OLFM2: variants seen among roughly 807,000 people sequenced by gnomAD.
The protein encoded by OLFM2 is noelin-2.
In OLFM2, 20 loss-of-function variants were observed where a neutral mutation model predicts 43.9. That is an observed-to-expected ratio of 0.46 (90% CI 0.32 to 0.66). OLFM2 has a LOEUF of 0.66. OLFM2 is among the 30% of genes least tolerant of loss of function. OLFM2 has a pLI of 0.04. For missense variants in OLFM2, 416 were observed against 643.6 expected (o/e 0.65, Z 3.83); for synonymous variants, 268 against 278.6 (o/e 0.96, Z 0.38).
chr19:9,920,259 A>ATGTT (rs2086411632), intron 1 of OLFM2, among the ~76,000 whole-genome samples: 5 of 152,128 alleles, frequency 3.3e-5, no homozygotes, highest in Non-Finnish European at 7.3e-5. Flanking sequence ...AGCCTGGGCA[A>ATGTT]CAGAGCAAGA....
intron 1 of OLFM2, among the ~76,000 whole-genome samples, chr19:9,906,300 A>T (rs1599492886): frequency 2.0e-5 from 3 of 147,530 alleles, no homozygotes; most frequent in African/African-American, 8.1e-5. Flanking sequence ...GCGGGCACAC[A>T]GGGTGGGGGA....
Position 9,854,913 on chromosome 19 carries a change from A to C in OLFM2, c.688-50T>G, listed in dbSNP as rs1229521147. On this transcript the variant is annotated intron_variant, in intron 5 of 5. Coordinates refer to ENST00000264833, the MANE Select transcript of OLFM2 (RefSeq NM_058164.4). This position sits in a 1 kb window ranked among gnomAD's most constrained non-coding sequence, Gnocchi z 9.5. ...GGGGGGAACCACCACCAACGACCCA[A>C]GGGTCCCAGCACCAGCTACAGCCAT... The C allele has an allele frequency of 7.0e-7, 1 of 1,419,190 alleles. No individual in the cohort carries two copies. The highest frequency in any genetic ancestry group is 2.4e-5 in the East Asian group (1 of 40,866). The allele number at this position is 1,419,190 out of a possible 1,614,324, so 87.9% of individuals were successfully genotyped here.
chr19:9,925,589 C>T (rs1407596384), intron 1 of OLFM2, among the ~76,000 whole-genome samples: 1 of 151,510 alleles, frequency 6.6e-6, no homozygotes, highest in African/African-American at 2.4e-5. Context: ...GCTGGGACCA[C>T]AGGCACAGCT....
At chr19:9,895,916 CG>C (rs1428880971) in intron 1 of OLFM2, among the ~76,000 whole-genome samples, 1 of 151,974 alleles carries the variant, frequency 6.6e-6, no homozygotes, top group Non-Finnish European at 1.5e-5. Context: ...AACTTTACAA[CG>C]CACGTGTGAT....
intron 1 of OLFM2, among the ~76,000 whole-genome samples, chr19:9,866,697 A>C (rs1449839472): frequency 6.6e-6 from 1 of 151,278 alleles, no homozygotes; most frequent in East Asian, 1.9e-4. Flanking sequence ...ATCTCACTAC[A>C]TTTCCTAGGC....
intron 5 of OLFM2, among the ~76,000 whole-genome samples, chr19:9,855,770 A>G (rs916407007): frequency 2.6e-5 from 4 of 151,378 alleles, no homozygotes; most frequent in Admixed American, 1.3e-4. Flanking sequence ...TCCTGAGCTC[A>G]AGTGATCTGC....
intron 1 of OLFM2, among the ~76,000 whole-genome samples, chr19:9,909,325 C>T (rs7251521): frequency 6.6e-6 from 1 of 151,484 alleles, no homozygotes; most frequent in East Asian, 1.9e-4. Context: ...AAATGATGTC[C>T]GTGGCTGGCA....
intron 1 of OLFM2, among the ~76,000 whole-genome samples, chr19:9,905,724 C>T (rs1184240035): frequency 6.6e-6 from 1 of 152,086 alleles, no homozygotes; most frequent in Non-Finnish European, 1.5e-5. Context: ...GCTGTGGATC[C>T]TTGTCCTGTC....
chr19:9,900,974 G>GGAAA (rs2046728341), intron 1 of OLFM2, among the ~76,000 whole-genome samples: 2 of 47,908 alleles, frequency 4.2e-5, no homozygotes, highest in Non-Finnish European at 7.2e-5. Context: ...AAGGAAGGAA[G>GGAAA]GAAGGAAGGA....
chr19:9,929,531 G>A (rs1433395908), intron 1 of OLFM2, among the ~76,000 whole-genome samples: 5 of 152,098 alleles, frequency 3.3e-5, no homozygotes, highest in Non-Finnish European at 5.9e-5. Context: ...GGGAGGTGGA[G>A]GTTGCAGTGA....
Position 9,854,558 on chromosome 19 carries a change from C to T in OLFM2, c.993G>A (p.Gly331=), listed in dbSNP as rs780133531. Residue 331 remains glycine (G), a synonymous_variant, in exon 6 of 6, where the codon GGG becomes GGA. Coordinates refer to ENST00000264833, the MANE Select transcript of OLFM2 (RefSeq NM_058164.4). This position sits in a 1 kb window ranked among gnomAD's most constrained non-coding sequence, Gnocchi z 9.5. Reference sequence around the variant, plus strand: ...GGTTGGTGGTGTACACAGCCCAGAGCCCGCTCTCGTCCACCATGAAGTCCA... The same window carrying T: ...GGTTGGTGGTGTACACAGCCCAGAGTCCGCTCTCGTCCACCATGAAGTCCA... ...SDMDFMVDES[G]LWAVYTTNQN... is the part of the protein sequence containing the mutation. 4.3e-6 allele frequency: 7 copies of T among 1,613,876 alleles called. No homozygotes were observed. The East Asian group carries it at 1.6e-4, about 36-fold the overall frequency.
chr19:9,923,765 G>A (rs757093182), intron 1 of OLFM2, among the ~76,000 whole-genome samples: 3 of 151,960 alleles, frequency 2.0e-5, no homozygotes, highest in Non-Finnish European at 4.4e-5. Context: ...AAGTAGCTGG[G>A]ACTTCAGGCA....
chr19:9,909,125 C>G (rs1011745696), intron 1 of OLFM2, among the ~76,000 whole-genome samples: 2 of 152,150 alleles, frequency 1.3e-5, no homozygotes, highest in Non-Finnish European at 2.9e-5. Context: ...TAGGCATGAG[C>G]CACAGTGCCA....
chr19:9,874,982 T>A (rs1224340153), intron 1 of OLFM2, among the ~76,000 whole-genome samples: 1 of 152,178 alleles, frequency 6.6e-6, no homozygotes, highest in African/African-American at 2.4e-5. Flanking sequence ...TGTAACCCAA[T>A]GCAGTAGCTG....
intron 1 of OLFM2, among the ~76,000 whole-genome samples, chr19:9,915,891 C>T (rs1338170991): frequency 1.3e-5 from 2 of 152,136 alleles, no homozygotes; most frequent in Non-Finnish European, 2.9e-5. Flanking sequence ...GAGAGTTCCA[C>T]GCAACAGGAA....
chr19:9,918,125 C>G (rs2086397084), intron 1 of OLFM2, among the ~76,000 whole-genome samples: 1 of 151,972 alleles, frequency 6.6e-6, no homozygotes, highest in Admixed American at 6.6e-5. Flanking sequence ...GAGATCCACC[C>G]ACCTCGGCCT....
At chr19:9,907,495 A>G (rs542881625) in intron 1 of OLFM2, among the ~76,000 whole-genome samples, 55 of 152,008 alleles carry the variant, frequency 3.6e-4, no homozygotes, top group Middle Eastern at 3.4e-3. Context: ...AAATAAATAA[A>G]TAAGAGAGGT....
chr19:9,924,331 G>GATT (rs2086438801), intron 1 of OLFM2, among the ~76,000 whole-genome samples: 3 of 147,094 alleles, frequency 2.0e-5, no homozygotes, highest in Non-Finnish European at 4.5e-5. Context: ...GCGTGAACCC[G>GATT]GGAGGCGGAG....
intron 1 of OLFM2, among the ~76,000 whole-genome samples, chr19:9,862,803 C>T (rs1234065102): frequency 4.0e-5 from 6 of 151,892 alleles, no homozygotes; most frequent in African/African-American, 7.3e-5. Flanking sequence ...GGTAAAACCC[C>T]GTCTCTACTA....
Sources: gnomAD v4.1 joint callset for allele counts (sites outside exome capture counted in the v4.1 genomes callset) on GRCh38, gnomAD v4.1.1 for gene constraint, Gnocchi (gnomAD v3.1) non-coding constraint, MANE v1.5 for transcripts, NCBI Gene and HGNC (gene_info 2026-07-23, HGNC 2026-07-21) for gene names.